The following GPHN variants were observed in gnomAD, a reference collection of about 807,000 sequenced individuals.
The protein encoded by GPHN is gephyrin.
In GPHN, 17 loss-of-function variants were observed where a neutral mutation model predicts 95.5. The ratio of observed to expected loss-of-function variants is 0.18; its 90% confidence interval spans 0.12 to 0.27. The LOEUF (loss-of-function observed/expected upper bound fraction) is 0.27, where lower values mean the gene tolerates loss of function less well. Among genes scored for constraint, GPHN ranks in the 10% least tolerant of loss-of-function variants. The pLI is 1.00. For synonymous variants in GPHN, 320 were observed against 322.5 expected, an observed-to-expected ratio of 0.99 and a Z score of 0.08; for missense variants, 660 against 978.1, an observed-to-expected ratio of 0.67 and a Z score of 4.34.
chr14:67,323,610 A>C, the GPHN span: 1 of 301,210 alleles, frequency 3.3e-6, no homozygotes, highest in Non-Finnish European at 5.8e-6. Flanking sequence ...CAAGTCCCTT[A>C]ATCTAATATA....
At chr14:66,670,349 T>C (rs1303761797) in intron 1 of GPHN, among the ~76,000 whole-genome samples, 1 of 152,210 alleles carries the variant, frequency 6.6e-6, no homozygotes, top group African/African-American at 2.4e-5. Context: ...ACCAGAAATA[T>C]AAAGCAGTGG....
chr14:67,318,509 C>T, the GPHN span, among the ~76,000 whole-genome samples: 1 of 152,096 alleles, frequency 6.6e-6, no homozygotes, highest in East Asian at 1.9e-4. Flanking sequence ...AAATCTGAAC[C>T]TTATGGATAT....
At chr14:66,750,579 T>G (rs2058328658) in intron 2 of GPHN, among the ~76,000 whole-genome samples, 1 of 151,868 alleles carries the variant, frequency 6.6e-6, no homozygotes, top group Non-Finnish European at 1.5e-5. Flanking sequence ...TAAGCACAGG[T>G]AAAGTTGATT....
the GPHN span, chr14:67,204,578 C>T: frequency 1.2e-5 from 20 of 1,613,440 alleles, no homozygotes; most frequent in Non-Finnish European, 1.6e-5. Flanking sequence ...GTGCATGATG[C>T]GGAGAACATG....
At chr14:67,329,835 A>AAAAT in the GPHN span, among the ~76,000 whole-genome samples, 1,829 of 96,914 alleles carry the variant, frequency 0.019, 12 homozygotes, top group Middle Eastern at 0.042. Context: ...CTTGGTCTCA[A>AAAAT]AAATAAATAA....
chr14:67,281,555 A>T, the GPHN span, among the ~76,000 whole-genome samples: 1 of 151,928 alleles, frequency 6.6e-6, no homozygotes, highest in East Asian at 1.9e-4. Flanking sequence ...TTTATTGGAG[A>T]AAGTTTGTTA....
At chr14:66,594,669 C>T (rs1288577973) in intron 1 of GPHN, among the ~76,000 whole-genome samples, 1 of 152,126 alleles carries the variant, frequency 6.6e-6, no homozygotes, top group Non-Finnish European at 1.5e-5. Context: ...TAAATCATCT[C>T]AAAATGGATT....
chr14:67,359,642 C>T, the GPHN span: 2 of 1,613,984 alleles, frequency 1.2e-6, no homozygotes, highest in Non-Finnish European at 1.7e-6. Flanking sequence ...GCGGCTTATC[C>T]CATTCCTTTA....
intron 5 of GPHN, among the ~76,000 whole-genome samples, chr14:66,886,558 A>G (rs1281231580): frequency 6.6e-6 from 1 of 152,128 alleles, no homozygotes; most frequent in East Asian, 1.9e-4. Flanking sequence ...AAAAAAGAAT[A>G]ATGAAGAAAT....
chr14:67,320,347 G>A, the GPHN span: 69 of 1,612,732 alleles, frequency 4.3e-5, no homozygotes, highest in South Asian at 8.8e-5. Context: ...AATGAATTGC[G>A]TCAGAGGCTC....
chr14:66,956,839 T>A (rs560456366), intron 8 of GPHN, among the ~76,000 whole-genome samples: 1 of 151,834 alleles, frequency 6.6e-6, no homozygotes, highest in South Asian at 2.1e-4. Context: ...TTGGAAATCA[T>A]CATTCTCAGT....
intron 1 of GPHN, among the ~76,000 whole-genome samples, chr14:66,548,387 G>A (rs2059685855): frequency 6.6e-6 from 1 of 151,836 alleles, no homozygotes; most frequent in African/African-American, 2.4e-5. Context: ...CACCATGTTG[G>A]CCAGGCTGGT....
chr14:66,770,736 T>C (rs1273469073), intron 2 of GPHN, among the ~76,000 whole-genome samples: 11 of 152,170 alleles, frequency 7.2e-5, no homozygotes, highest in African/African-American at 2.7e-4. Context: ...TTCAGTTATG[T>C]GCAGTCAAGT....
At chr14:66,513,138 T>C (rs1432446039) in intron 1 of GPHN, among the ~76,000 whole-genome samples, 1 of 151,786 alleles carries the variant, frequency 6.6e-6, no homozygotes, top group African/African-American at 2.4e-5. Context: ...AATTAATTTC[T>C]AATGAATATA....
At chr14:66,943,673 T>A (rs1227978453) in intron 8 of GPHN, among the ~76,000 whole-genome samples, 1 of 50,448 alleles carries the variant, frequency 2.0e-5, no homozygotes, top group Non-Finnish European at 3.6e-5. Context: ...CCTTTAAAAA[T>A]TTTTTTGATC....
chr14:66,549,952 G>T (rs748558145), intron 1 of GPHN, among the ~76,000 whole-genome samples: 5 of 152,132 alleles, frequency 3.3e-5, no homozygotes, highest in Non-Finnish European at 7.4e-5. Flanking sequence ...CTACTGCTCA[G>T]AAAGAAAGCT....
chr14:66,823,213 G>C (rs539686268), intron 3 of GPHN: 1 of 152,158 alleles, frequency 6.6e-6, no homozygotes. Context: ...TGTTGGCCAG[G>C]CTGTTCTCAA....
chr14:66,998,506 T>G (rs2071969227), intron 9 of GPHN, among the ~76,000 whole-genome samples: 1 of 152,158 alleles, frequency 6.6e-6, no homozygotes, highest in Admixed American at 6.6e-5. Flanking sequence ...TCAAGGAATA[T>G]TCTTCTTAGC....
intron 4 of GPHN, among the ~76,000 whole-genome samples, chr14:66,861,929 A>G (rs989109831): frequency 6.6e-6 from 1 of 152,096 alleles, no homozygotes; most frequent in Non-Finnish European, 1.5e-5. Context: ...CATCTCAGAG[A>G]ACTAGAAAAG....
Sources: gnomAD v4.1 joint callset for allele counts (sites outside exome capture counted in the v4.1 genomes callset) on GRCh38, gnomAD v4.1.1 for gene constraint, MANE v1.5 for transcripts, NCBI Gene and HGNC (gene_info 2026-07-23, HGNC 2026-07-21) for gene names.